The following PIAS4 variants were observed in gnomAD, a reference collection of about 807,000 sequenced individuals.
PIAS4 encodes the protein E3 SUMO-protein ligase PIAS4.
Under a neutral mutation model 58.0 loss-of-function variants are expected in PIAS4, and 7 were observed. The observed-to-expected ratio is 0.12, with a 90% CI of 0.07 to 0.23. The LOEUF is 0.23. PIAS4 is among the 10% of genes least tolerant of loss of function. The pLI, the probability that PIAS4 is intolerant of heterozygous loss-of-function variation, is 1.00. For synonymous variants in PIAS4, 364 were observed against 312.4 expected (o/e 1.17, Z -1.74); for missense variants, 550 against 709.5 (o/e 0.78, Z 2.55).
At chr19:4,026,299 A>ATTTTTTTTTTTTTTTTTTTTTTTT (rs2040164060) in intron 3 of PIAS4, among the ~76,000 whole-genome samples, 1 of 145,626 alleles carries the variant, frequency 6.9e-6, no homozygotes, top group African/African-American at 2.8e-5. Context: ...CGCCTGGCTA[A>ATTTTTTTTTTTTTTTTTTTTTTTT]TTTTTGTATT....
chr19:4,037,993 T>C lies in PIAS4; in HGVS notation c.*118T>C. ...TTTTTATTGTCGTTCGTTTTGTTTT[T>C]CCACCCTTTTGCCTGGCTCCTGGCA... On this transcript the variant is annotated 3_prime_UTR_variant, in exon 11 of 11. Coordinates refer to ENST00000262971, the MANE Select transcript of PIAS4 (RefSeq NM_015897.4). The surrounding 1 kb of genome is among the most constrained non-coding windows in gnomAD (Gnocchi z 5.8). 2 of 1,156,832 alleles carry C rather than the reference T, an allele frequency of 1.7e-6. No homozygotes were observed. The highest frequency in any genetic ancestry group is 2.4e-6 in the Non-Finnish European group (2 of 832,604). 71.7% of individuals were successfully genotyped at this position (1,156,832 alleles called of 1,614,324 possible).
At chr19:4,023,978 T>A (rs1363883693) in intron 2 of PIAS4, 58 bp from the exon 3 acceptor site, 3 of 1,191,306 alleles carry the variant, frequency 2.5e-6, no homozygotes, top group Non-Finnish European at 3.8e-6. Flanking sequence ...GAAAAGCGAC[T>A]GGGCTCGGGG....
intron 2 of PIAS4, among the ~76,000 whole-genome samples, chr19:4,022,613 C>A (rs1225608838): frequency 2.6e-5 from 4 of 151,740 alleles, no homozygotes; most frequent in Non-Finnish European, 5.9e-5. Context: ...TGATCCACCC[C>A]CCTCGGCCTC....
In PIAS4 at chr19:4,033,524, C is replaced by T; in HGVS notation, c.1086C>T (p.Thr362=). The change falls in exon 9 of 11, where the codon ACC becomes ACT. Residue 362 remains threonine, a synonymous_variant. Coordinates refer to ENST00000262971, the MANE Select transcript of PIAS4 (RefSeq NM_015897.4). ...FYLQMNEKKP[T]WMCPVCDKPA... is the part of the protein sequence containing the mutation. ...TGCAGATGAACGAGAAGAAGCCCACCTGGATGTGCCCCGTGTGCGACAAGC... is the reference window on the plus strand; with the variant it reads ...TGCAGATGAACGAGAAGAAGCCCACTTGGATGTGCCCCGTGTGCGACAAGC... 1 of 1,607,338 alleles carries T rather than the reference C, an allele frequency of 6.2e-7. No individual in the cohort carries two copies. Among genetic ancestry groups the T allele is most frequent in the East Asian group, 2.2e-5 (1 of 44,582 alleles).
Position 4,034,577 on chromosome 19 carries a change from G to C in PIAS4, c.1142+997G>C, listed in dbSNP as rs139599890. The stretch of plus-strand genomic sequence containing the variant: ...GGCCACCCCCTTGCATCCCAGCTTC[G>C]GGTAGAGAGAGGAGTCCTTTGGGCC... On this transcript the variant is annotated intron_variant, in intron 9 of 10. Coordinates refer to ENST00000262971, the MANE Select transcript of PIAS4 (RefSeq NM_015897.4). Among the ~76,000 whole-genome samples, 313 of 152,334 alleles carry C rather than the reference G, an allele frequency of 2.1e-3. 2 individuals carry two copies. Among genetic ancestry groups the C allele is most frequent in the Non-Finnish European group, 1.7e-3 (119 of 68,020 alleles).
rs746255740 is a variant in PIAS4, at chr19:4,033,137, C to T, written c.945C>T (p.Ile315=). Residue 315 remains isoleucine (I), a synonymous_variant, in exon 8 of 11, where the codon ATC becomes ATT. Transcript: ENST00000262971. The part of the protein sequence containing the change: ...EKLRLDPDSE[I]ATTGVRVSLI... ...TGCGCCTTGATCCTGACAGCGAGAT[C>T]GCCACCACCGGTGTGCGGGTGTCCC... 29 of 1,611,384 alleles carry T rather than the reference C, an allele frequency of 1.8e-5. No individual in the cohort carries two copies. Among genetic ancestry groups the T allele is most frequent in the Admixed American group, 6.7e-5 (4 of 60,006 alleles).
chr19:4,037,594 A>AC lies in PIAS4; in HGVS notation c.1274-19dup. ...CAGTGGTTGCATCCTAAGTACCTGC[A>AC]CCCTGTCCCTGTTGCCCGTAGGCCC... On this transcript the variant is annotated intron_variant, in intron 10 of 10. Transcript: ENST00000262971. The surrounding 1 kb of genome is among the most constrained non-coding windows in gnomAD (Gnocchi z 5.8). 6.2e-7 allele frequency: 1 copy of AC among 1,608,268 alleles called. No individual in the cohort carries two copies. The highest frequency in any genetic ancestry group is 8.5e-7 in the Non-Finnish European group (1 of 1,179,746).
chr19:4,010,653 C>T (rs2039983928), intron 1 of PIAS4, among the ~76,000 whole-genome samples: 1 of 152,186 alleles, frequency 6.6e-6, no homozygotes, highest in Non-Finnish European at 1.5e-5. Flanking sequence ...GGCCAGAGGC[C>T]GAGGGGCCGA....
rs1465491677 is a variant in PIAS4 at position 4,012,964 on chromosome 19, C to G, written c.69C>G (p.Leu23=). ...TTCGAGTCTCCGACCTTCAGATGCT[C>G]CTGGGTTTCGTGGGCCGGAGTAAGA... is the stretch of plus-strand genomic sequence containing the variant. The part of the protein sequence containing the change: ...MSFRVSDLQM[L]LGFVGRSKSG... The change falls in exon 2 of 11, where the codon CTC becomes CTG. Residue 23 remains leucine, a synonymous_variant. Transcript: ENST00000262971. 4 of 1,613,626 alleles carry G rather than the reference C, an allele frequency of 2.5e-6. No individual in the cohort carries two copies. Among genetic ancestry groups the G allele is most frequent in the East Asian group, 2.2e-5 (1 of 44,884 alleles).
chr19:4,009,794 G>A (rs1285931563), intron 1 of PIAS4, among the ~76,000 whole-genome samples: 1 of 152,164 alleles, frequency 6.6e-6, no homozygotes, highest in Non-Finnish European at 1.5e-5. Context: ...ATCACAGACT[G>A]CTCGGAGGGG....
chr19:4,018,805 T>G (rs1460010296), intron 2 of PIAS4: 1 of 152,242 alleles, frequency 6.6e-6, no homozygotes, highest in African/African-American at 2.4e-5. Context: ...GCTTTCCTTC[T>G]GGTGACATTT....
intron 2 of PIAS4, among the ~76,000 whole-genome samples, chr19:4,017,479 G>A (rs2040063809): frequency 6.6e-6 from 1 of 152,094 alleles, no homozygotes; most frequent in African/African-American, 2.4e-5. Context: ...CCAGGACAGT[G>A]CCCCCTGTGT....
chr19:4,018,804 C>T (rs1164560733), intron 2 of PIAS4: 2 of 152,236 alleles, frequency 1.3e-5, no homozygotes, highest in Non-Finnish European at 2.9e-5. Flanking sequence ...GGCTTTCCTT[C>T]TGGTGACATT....
Position 4,009,797 on chromosome 19 carries a change from C to T in PIAS4, c.27+2010C>T, listed in dbSNP as rs538961507. The stretch of plus-strand genomic sequence containing the variant: ...CTTTTGGGGTGCATCACAGACTGCT[C>T]GGAGGGGCGAATGTTGGGGGTTTGT... On this transcript the variant is annotated intron_variant, in intron 1 of 10. Coordinates refer to ENST00000262971, the MANE Select transcript of PIAS4 (RefSeq NM_015897.4). 3.3e-5 allele frequency among the ~76,000 whole-genome samples: 5 copies of T among 152,204 alleles called. No homozygotes were observed. In the South Asian group the frequency reaches 8.3e-4, roughly 25 times the overall value.
chr19:4,032,235 C>G (rs566237633), intron 7 of PIAS4, among the ~76,000 whole-genome samples: 60 of 152,290 alleles, frequency 3.9e-4, no homozygotes, highest in South Asian at 1.2e-3. Flanking sequence ...CACCATCACT[C>G]TGGACCCCAA....
intron 2 of PIAS4, among the ~76,000 whole-genome samples, chr19:4,019,574 G>A (rs1213462741): frequency 6.6e-6 from 1 of 152,194 alleles, no homozygotes; most frequent in African/African-American, 2.4e-5. Flanking sequence ...TCAAGGCCCA[G>A]CTCAGGTGTA....
rs1191254256 is a variant in PIAS4, at chr19:4,010,359, C to T, written c.28-2564C>T. ...AGGGGCTCCCGGGGTGCGAGGATGT[C>T]AGCAGGTTCCCCAGCCCACCTGCCT... On this transcript the variant is annotated intron_variant, in intron 1 of 10. Coordinates refer to ENST00000262971, the MANE Select transcript of PIAS4 (RefSeq NM_015897.4). 3.9e-5 allele frequency among the ~76,000 whole-genome samples: 6 copies of T among 152,230 alleles called. No individual in the cohort carries two copies. The South Asian group carries it at 1.0e-3, about 26-fold the overall frequency.
At chr19:4,023,892 C>A in intron 2 of PIAS4, 144 bp from the exon 3 acceptor site, 1 of 651,132 alleles carries the variant, frequency 1.5e-6, no homozygotes. Context: ...TCCTGGGCGG[C>A]CCCCACCTCT....
chr19:4,020,468 C>G (rs1417764863), intron 2 of PIAS4, among the ~76,000 whole-genome samples: 2 of 151,576 alleles, frequency 1.3e-5, no homozygotes, highest in African/African-American at 4.9e-5. Context: ...CCGGCCACTG[C>G]AAGGCTGCCA....
Sources: allele counts gnomAD v4.1 joint callset (sites outside exome capture counted in the v4.1 genomes callset), GRCh38; gene constraint gnomAD v4.1.1; non-coding constraint Gnocchi (gnomAD v3.1); transcripts MANE v1.5; gene names NCBI Gene and HGNC (gene_info 2026-07-23, HGNC 2026-07-21).